TFCP2L1: variants seen among roughly 807,000 people sequenced by gnomAD.
TFCP2L1 encodes the protein transcription factor CP2 like 1, also known as transcription factor CP2-like protein 1.
In TFCP2L1, 12 loss-of-function variants were observed where a neutral mutation model predicts 72.2. The observed-to-expected ratio is 0.17, with a 90% CI of 0.11 to 0.27. The LOEUF is 0.27. Ranked by LOEUF, TFCP2L1 falls within the 10% of genes least tolerant of loss-of-function variation. TFCP2L1 has a pLI of 1.00. For missense variants in TFCP2L1, 488 were observed against 624.6 expected (o/e 0.78, Z 2.33); for synonymous variants, 260 against 251.0 (o/e 1.04, Z -0.34).
intron 2 of TFCP2L1, among the ~76,000 whole-genome samples, chr2:121,255,266 TTC>T: frequency 6.6e-6 from 1 of 152,342 alleles, no homozygotes; most frequent in African/African-American, 2.4e-5. Flanking sequence ...AAGTTAAGGC[TTC>T]TGTTTGTTTC....
intron 2 of TFCP2L1, among the ~76,000 whole-genome samples, chr2:121,255,060 G>A (rs150074098): frequency 1.1e-3 from 164 of 152,310 alleles, no homozygotes; most frequent in African/African-American, 3.7e-3. Context: ...ATAAGTGGCA[G>A]AGCCCATGGC....
At chr2:121,271,133 T>C (rs1364356330) in intron 2 of TFCP2L1, among the ~76,000 whole-genome samples, 1 of 150,500 alleles carries the variant, frequency 6.6e-6, no homozygotes, top group Admixed American at 6.6e-5. Context: ...AAGATTGCAG[T>C]GAGCCGAGAT....
At chr2:121,225,782 C>T (rs1381765209) in intron 13 of TFCP2L1, among the ~76,000 whole-genome samples, 169 bp from the exon 14 acceptor site, 3 of 151,756 alleles carry the variant, frequency 2.0e-5, no homozygotes, top group Non-Finnish European at 4.4e-5. Flanking sequence ...GGTGCCCACA[C>T]ACACGGGAAC....
intron 7 of TFCP2L1, chr2:121,239,996 CT>C: frequency 1.0e-6 from 1 of 974,486 alleles, no homozygotes; most frequent in Non-Finnish European, 1.2e-6. Context: ...TCACAAACAG[CT>C]TTTCCTGGGA....
In TFCP2L1 at chr2:121,276,624, C is replaced by A. The variant is rs1363901709; in HGVS notation, c.214+4496G>T. Among the ~76,000 whole-genome samples, 20 of 148,456 alleles carry A rather than the reference C, an allele frequency of 1.3e-4. 1 individual carries two copies. Among genetic ancestry groups the A allele is most frequent in the African/African-American group, 4.3e-4 (17 of 39,770 alleles). ...CTCCAGTCGGGGTGATGGAGCAAGACCCTGTCTCAGAAAAAAAAAAAAAAA... is the reference window on the plus strand; with the variant it reads ...CTCCAGTCGGGGTGATGGAGCAAGAACCTGTCTCAGAAAAAAAAAAAAAAA... On this transcript the variant is annotated intron_variant, in intron 2 of 14. Coordinates refer to ENST00000263707, the MANE Select transcript of TFCP2L1 (RefSeq NM_014553.3).
intron 2 of TFCP2L1, among the ~76,000 whole-genome samples, chr2:121,251,795 T>C (rs546057716): frequency 6.6e-6 from 1 of 152,336 alleles, no homozygotes; most frequent in South Asian, 2.1e-4. Context: ...TAAATACAAT[T>C]CTCATTAGTC....
chr2:121,231,464 G>A (rs552751952), intron 13 of TFCP2L1, among the ~76,000 whole-genome samples: 1 of 152,284 alleles, frequency 6.6e-6, no homozygotes, highest in African/African-American at 2.4e-5. Flanking sequence ...GCCAACACCT[G>A]CCCCGGAGTC....
chr2:121,282,166 C>G (rs1020976699), intron 1 of TFCP2L1, among the ~76,000 whole-genome samples: 1 of 151,812 alleles, frequency 6.6e-6, no homozygotes, highest in Non-Finnish European at 1.5e-5. Flanking sequence ...CTCCTGACCT[C>G]AGGTGATCCA....
intron 2 of TFCP2L1, among the ~76,000 whole-genome samples, chr2:121,257,211 G>A (rs1210447036): frequency 6.6e-6 from 1 of 152,144 alleles, no homozygotes; most frequent in Non-Finnish European, 1.5e-5. Flanking sequence ...GGGCTGGGGA[G>A]GCACAGTGAC....
At chr2:121,228,692 G>A (rs1239332606) in intron 13 of TFCP2L1, among the ~76,000 whole-genome samples, 1 of 147,370 alleles carries the variant, frequency 6.8e-6, no homozygotes, top group Non-Finnish European at 1.5e-5. Flanking sequence ...CCTGAGCCCA[G>A]GAGGTCGAGG....
At chr2:121,233,978 G>T in intron 12 of TFCP2L1, 113 bp downstream of exon 12, 2 of 931,680 alleles carry the variant, frequency 2.1e-6, no homozygotes, top group Non-Finnish European at 3.4e-6. Context: ...GCATGTGGGA[G>T]CCCAGGACTG....
At chr2:121,238,599 C>T (rs545098960) in intron 8 of TFCP2L1, among the ~76,000 whole-genome samples, 5 of 152,104 alleles carry the variant, frequency 3.3e-5, no homozygotes, top group African/African-American at 4.8e-5. Context: ...ATCCCCAGAC[C>T]GGTCATCAGT....
intron 2 of TFCP2L1, among the ~76,000 whole-genome samples, chr2:121,254,997 G>C (rs960008535): frequency 3.3e-5 from 5 of 152,138 alleles, no homozygotes; most frequent in African/African-American, 1.2e-4. Context: ...CTCCTGGATG[G>C]GGGAAGCAGA....
chr2:121,240,838 G>A, intron 7 of TFCP2L1: 1 of 748,566 alleles, frequency 1.3e-6, no homozygotes, highest in Non-Finnish European at 1.6e-6. Context: ...GGGCCGTGGG[G>A]GAGGCAGGTG....
At chr2:121,270,615 A>G (rs1687027527) in intron 2 of TFCP2L1, among the ~76,000 whole-genome samples, 1 of 152,236 alleles carries the variant, frequency 6.6e-6, no homozygotes, top group Non-Finnish European at 1.5e-5. Flanking sequence ...CAGCCATACA[A>G]TGATTGTAGT....
rs955714821 is a variant in TFCP2L1, at chr2:121,231,841, C to G, written c.1326G>C (p.Val442=). The part of the protein sequence containing the change: ...VYRQGPTGIH[V]VVSNEMVQNF... Reference sequence around the variant, plus strand: ...CAGCCCTCACCTCGTTGCTCACCACCACATGGATGCCCGTGGGGCCCTGCC... The same window carrying G: ...CAGCCCTCACCTCGTTGCTCACCACGACATGGATGCCCGTGGGGCCCTGCC... Residue 442 remains valine, a synonymous_variant, in exon 13 of 15, where the codon GTG becomes GTC. Transcript: ENST00000263707. 1.9e-6 allele frequency: 3 copies of G among 1,613,226 alleles called. No homozygotes were observed. The highest frequency in any genetic ancestry group is 3.3e-5 in the Admixed American group (2 of 59,918).
chr2:121,265,069 C>T (rs897482532), intron 2 of TFCP2L1, among the ~76,000 whole-genome samples: 8 of 152,334 alleles, frequency 5.3e-5, no homozygotes, highest in Middle Eastern at 3.4e-3. Context: ...AAAGTAGAAA[C>T]AGTCCAAATG....
At chr2:121,239,908 A>G (rs1686330597) in intron 7 of TFCP2L1, among the ~76,000 whole-genome samples, 1 of 152,228 alleles carries the variant, frequency 6.6e-6, no homozygotes, top group Non-Finnish European at 1.5e-5. Context: ...GCTTCCTAGC[A>G]GTAAAACCAG....
intron 7 of TFCP2L1, chr2:121,240,161 A>T: frequency 1.0e-6 from 1 of 985,282 alleles, no homozygotes; most frequent in Non-Finnish European, 1.2e-6. Flanking sequence ...AATCACCAAA[A>T]GCAGCTCCTC....
Sources: gnomAD v4.1 joint callset for allele counts (sites outside exome capture counted in the v4.1 genomes callset) on GRCh38, gnomAD v4.1.1 for gene constraint, MANE v1.5 for transcripts, NCBI Gene and HGNC (gene_info 2026-07-23, HGNC 2026-07-21) for gene names.